ARHGAP17: variants seen among roughly 807,000 people sequenced by gnomAD.
The protein encoded by ARHGAP17 is rho GTPase-activating protein 17.
Under a neutral mutation model 99.5 loss-of-function variants are expected in ARHGAP17, and 57 were observed. That is an observed-to-expected ratio of 0.57 (90% confidence interval 0.46 to 0.71). The LOEUF is 0.71. Among genes scored for constraint, ARHGAP17 ranks in the 30% least tolerant of loss-of-function variants. ARHGAP17 has a pLI of 0.00. For synonymous variants in ARHGAP17, 417 were observed against 429.6 expected, an observed-to-expected ratio of 0.97 and a Z score of 0.36; for missense variants, 1,000 against 1,122.4, an observed-to-expected ratio of 0.89 and a Z score of 1.56.
chr16:24,964,362 G>A (rs1452371340), intron 6 of ARHGAP17, 54 bp from the exon 7 acceptor site: 20 of 1,232,122 alleles, frequency 1.6e-5, no homozygotes, highest in Middle Eastern at 1.9e-4. Flanking sequence ...ATACTCAACA[G>A]CTGGAGGCAG....
chr16:24,989,176 GC>G (rs1428217972), intron 1 of ARHGAP17, among the ~76,000 whole-genome samples: 1 of 152,160 alleles, frequency 6.6e-6, no homozygotes, highest in East Asian at 1.9e-4. Flanking sequence ...CCACACCTGG[GC>G]TCTGACTCAG....
chr16:24,939,361 T>C lies in ARHGAP17; in HGVS notation c.1724+3A>G, dbSNP rs1390194744. 2.5e-6 allele frequency: 4 copies of C among 1,596,978 alleles called. No homozygotes were observed. Among genetic ancestry groups the C allele is most frequent in the South Asian group, 2.3e-5 (2 of 88,662 alleles). On this transcript the variant is annotated splice_donor_region_variant and intron_variant, in intron 17 of 19. Coordinates refer to ENST00000289968, the MANE Select transcript of ARHGAP17 (RefSeq NM_001006634.3). Reference sequence around the variant, plus strand: ...CACTGCCAGCAGAAGTCAGCCTCCTTACCTGCCGTCGCCTGGGCTCGGCCC... The same window carrying C: ...CACTGCCAGCAGAAGTCAGCCTCCTCACCTGCCGTCGCCTGGGCTCGGCCC...
At chr16:25,003,302 T>C (rs1302571497) in intron 1 of ARHGAP17, among the ~76,000 whole-genome samples, 1 of 141,908 alleles carries the variant, frequency 7.0e-6, no homozygotes, top group African/African-American at 2.6e-5. Flanking sequence ...TGGCAGGATC[T>C]CAGCTCATTG....
intron 1 of ARHGAP17, among the ~76,000 whole-genome samples, chr16:24,982,981 T>TATATACAC (rs2052727259): frequency 2.0e-4 from 2 of 10,236 alleles, no homozygotes; most frequent in African/African-American, 6.2e-4. Flanking sequence ...TATATATATA[T>TATATACAC]ATATATATAT....
chr16:24,941,799 C>T, intron 16 of ARHGAP17, 188 bp downstream of exon 16: 3 of 713,274 alleles, frequency 4.2e-6, no homozygotes, highest in Non-Finnish European at 2.3e-6. Flanking sequence ...TGAGAAGCTA[C>T]ACACTGACTT....
intron 3 of ARHGAP17, among the ~76,000 whole-genome samples, chr16:24,971,063 A>G (rs1456616110): frequency 6.6e-6 from 1 of 152,010 alleles, no homozygotes; most frequent in Non-Finnish European, 1.5e-5. Context: ...TTTGGTAGAG[A>G]TGGGGTATGT....
At chr16:24,945,787 A>G (rs1319299107) in intron 14 of ARHGAP17, among the ~76,000 whole-genome samples, 2 of 152,200 alleles carry the variant, frequency 1.3e-5, no homozygotes, top group Admixed American at 6.5e-5. Flanking sequence ...TGTCCTCTCC[A>G]TCCTTTCCCA....
intron 14 of ARHGAP17, among the ~76,000 whole-genome samples, chr16:24,944,960 G>C (rs1489024142): frequency 6.6e-6 from 1 of 151,804 alleles, no homozygotes; most frequent in African/African-American, 2.4e-5. Context: ...CCATTCACAC[G>C]TAAGGTCATC....
intron 18 of ARHGAP17, among the ~76,000 whole-genome samples, chr16:24,932,891 A>G (rs920394981): frequency 6.6e-6 from 1 of 152,176 alleles, no homozygotes; most frequent in African/African-American, 2.4e-5. Flanking sequence ...AAGGAAATGA[A>G]GGAAAGAAAT....
At chr16:24,971,413 G>A (rs147902260) in intron 3 of ARHGAP17, among the ~76,000 whole-genome samples, 242 of 146,142 alleles carry the variant, frequency 1.7e-3, no homozygotes, top group African/African-American at 5.8e-3. Flanking sequence ...CACTGCAACC[G>A]CCGCCTGCCA....
intron 1 of ARHGAP17, among the ~76,000 whole-genome samples, chr16:25,008,685 T>C (rs1198021461): frequency 6.6e-6 from 1 of 152,210 alleles, no homozygotes; most frequent in Non-Finnish European, 1.5e-5. Flanking sequence ...TTGGAAGGTT[T>C]TGCCTCGTCC....
chr16:24,949,329 C>A, intron 13 of ARHGAP17, 75 bp downstream of exon 13: 2 of 1,197,792 alleles, frequency 1.7e-6, no homozygotes, highest in Admixed American at 2.2e-5. Context: ...CCAAGTATGC[C>A]TGAATTAAAT....
Position 24,932,201 on chromosome 16 carries a change from A to G in ARHGAP17, c.1895-797T>C, listed in dbSNP as rs961375486. ...TGTGCCATGGTCATGTAACACATTA[A>G]CAACAGGGGAAACTGAGTAAGGGGC... On this transcript the variant is annotated intron_variant, in intron 18 of 19. Coordinates refer to ENST00000289968, the MANE Select transcript of ARHGAP17 (RefSeq NM_001006634.3). Among the ~76,000 whole-genome samples, 4 of 152,302 alleles carry G rather than the reference A, an allele frequency of 2.6e-5. 1 individual carries two copies. Among genetic ancestry groups the G allele is most frequent in the Admixed American group, 2.0e-4 (3 of 15,296 alleles).
At chr16:25,009,600 G>T (rs1254385071) in intron 1 of ARHGAP17, among the ~76,000 whole-genome samples, 1 of 152,178 alleles carries the variant, frequency 6.6e-6, no homozygotes, top group Non-Finnish European at 1.5e-5. Flanking sequence ...TTGACTCAGT[G>T]TGAGAATTCA....
At chr16:25,009,354 G>A (rs1414717364) in intron 1 of ARHGAP17, among the ~76,000 whole-genome samples, 6 of 137,848 alleles carry the variant, frequency 4.4e-5, no homozygotes, top group Admixed American at 7.1e-5. Context: ...GCGGCAGAGC[G>A]AGACTCCGTC....
At chr16:24,927,802 G>A in intron 19 of ARHGAP17, 1 of 587,448 alleles carries the variant, frequency 1.7e-6, no homozygotes, top group Non-Finnish European at 2.5e-6. Flanking sequence ...AAAATAGCAA[G>A]ATGTAAACTC....
At position 24,942,092 on chromosome 16, in the gene ARHGAP17, G is replaced by C. The variant is rs1448309987; in HGVS notation, c.1385C>G (p.Ser462Cys). ...EAFVPLTTPS[S>C]NHSFHTGNDS... The stretch of plus-strand genomic sequence containing the variant: ...GTTTCCAGTGTGGAATGAGTGATTA[G>C]AACTCGGGGTGGTGAGAGGTACAAA... Residue 462 changes from serine to cysteine, a missense_variant, in exon 16 of 20, where the codon TCT (serine) becomes TGT (cysteine). This residue lies in a region of ARHGAP17 where 472 missense variants were observed against 611.1 expected (regional missense o/e 0.77). Coordinates refer to ENST00000289968, the MANE Select transcript of ARHGAP17 (RefSeq NM_001006634.3). The C allele has an allele frequency of 7.1e-7, 1 of 1,409,844 alleles. No homozygotes were observed. Among genetic ancestry groups the C allele is most frequent in the East Asian group, 2.8e-5 (1 of 35,880 alleles). 87.3% of individuals were successfully genotyped at this position (1,409,844 alleles called of 1,614,324 possible).
At chr16:24,960,930 G>A (rs569948386) in intron 7 of ARHGAP17, among the ~76,000 whole-genome samples, 1 of 151,946 alleles carries the variant, frequency 6.6e-6, no homozygotes, top group South Asian at 2.1e-4. Context: ...GAAGTGCAGT[G>A]GCACAATCTT....
chr16:24,985,306 A>G (rs922139816), intron 1 of ARHGAP17, among the ~76,000 whole-genome samples: 4 of 152,260 alleles, frequency 2.6e-5, no homozygotes, highest in African/African-American at 9.6e-5. Context: ...GGCTTGAACA[A>G]CACAAGTATA....
Sources: gnomAD v4.1 joint callset for allele counts (sites outside exome capture counted in the v4.1 genomes callset) on GRCh38, gnomAD v4.1.1 for gene constraint, gnomAD v4.1.1 regional missense constraint, MANE v1.5 for transcripts, NCBI Gene and HGNC (gene_info 2026-07-23, HGNC 2026-07-21) for gene names.